The following RTTN variants were observed in gnomAD, a reference collection of about 807,000 sequenced individuals.
The protein encoded by RTTN is rotatin.
RTTN carries 182 observed loss-of-function variants against 269.2 expected under a neutral mutation model. The ratio of observed to expected loss-of-function variants is 0.68; its 90% CI spans 0.60 to 0.76. The LOEUF (loss-of-function observed/expected upper bound fraction) is 0.76, where lower values mean the gene tolerates loss of function less well. Ranked by LOEUF, RTTN falls within the 30% of genes least tolerant of loss-of-function variation. RTTN has a pLI of 0.00. For missense variants in RTTN, 2,545 were observed against 2,608.6 expected, an observed-to-expected ratio of 0.98 and a Z score of 0.53; for synonymous variants, 1,006 against 963.5, an observed-to-expected ratio of 1.04 and a Z score of -0.82.
chr18:70,045,362 A>G (rs2057463824), intron 40 of RTTN, among the ~76,000 whole-genome samples: 3 of 152,206 alleles, frequency 2.0e-5, no homozygotes, highest in Admixed American at 2.0e-4. Context: ...CTAAGGTCCC[A>G]TATCAAATGT....
intron 26 of RTTN, among the ~76,000 whole-genome samples, chr18:70,114,967 C>T (rs1599623119): frequency 6.6e-6 from 1 of 152,082 alleles, no homozygotes; most frequent in Non-Finnish European, 1.5e-5. Context: ...AAAAAAATCA[C>T]TACTGTAACC....
intron 28 of RTTN, among the ~76,000 whole-genome samples, chr18:70,102,429 T>C (rs1259306059): frequency 6.6e-6 from 1 of 152,208 alleles, no homozygotes; most frequent in Non-Finnish European, 1.5e-5. Context: ...GCTTGGTTGA[T>C]CTTCCTCCAT....
chr18:70,049,573 CA>C (rs2057596725), intron 39 of RTTN, among the ~76,000 whole-genome samples: 1 of 151,754 alleles, frequency 6.6e-6, no homozygotes, highest in Non-Finnish European at 1.5e-5. Context: ...ACTGAATGAT[CA>C]AATGATAAAA....
In RTTN at chr18:70,192,721, CATA is replaced by C. The variant is rs200096751; in HGVS notation, c.1007+564_1007+566del. On this transcript the variant is annotated intron_variant, in intron 8 of 48. Transcript: ENST00000640769. ...AATCTGTATTTACACAAACAAATAC[CATA>C]AATTGTTCACCTTGAAGGAGTCCTT... 5.0e-3 allele frequency among the ~76,000 whole-genome samples: 745 copies of C among 150,058 alleles called. 5 individuals are homozygous for C. Among genetic ancestry groups the C allele is most frequent in the African/African-American group, 0.017 (705 of 40,888 alleles).
chr18:70,129,285 A>C (rs549409375), intron 23 of RTTN: 1 of 152,188 alleles, frequency 6.6e-6, no homozygotes, highest in African/African-American at 2.4e-5. Context: ...TAAAACTCCT[A>C]AAATGTATAT....
At chr18:70,049,136 C>T (rs1444010874) in intron 39 of RTTN, among the ~76,000 whole-genome samples, 1 of 152,176 alleles carries the variant, frequency 6.6e-6, no homozygotes, top group South Asian at 2.1e-4. Flanking sequence ...GTATTTTATA[C>T]TCTGCAGGTA....
intron 26 of RTTN, among the ~76,000 whole-genome samples, chr18:70,116,167 C>A (rs1381109363): frequency 6.6e-6 from 1 of 151,932 alleles, no homozygotes; most frequent in African/African-American, 2.4e-5. Context: ...AAAGCTGACT[C>A]ACATTCACGT....
chr18:70,203,936 G>A (rs1238917336), intron 3 of RTTN, 150 bp downstream of exon 3: 2 of 646,384 alleles, frequency 3.1e-6, no homozygotes, highest in Non-Finnish European at 5.2e-6. Flanking sequence ...GTAGAGGAGG[G>A]GAAAAAGGTC....
intron 14 of RTTN, 109 bp from the exon 15 acceptor site, chr18:70,150,842 T>C: frequency 1.2e-6 from 1 of 804,526 alleles, no homozygotes; most frequent in Non-Finnish European, 1.9e-6. Flanking sequence ...TTTACTTCAT[T>C]GAAACTTTTT....
intron 22 of RTTN, 28 bp from the exon 23 acceptor site, chr18:70,134,569 AAG>A: frequency 6.5e-7 from 1 of 1,544,042 alleles, no homozygotes; most frequent in Non-Finnish European, 8.9e-7. Flanking sequence ...AACAAAAACA[AAG>A]AAACAACTGA....
intron 11 of RTTN, 51 bp downstream of exon 11, chr18:70,176,624 T>A (rs770406228): frequency 6.7e-7 from 1 of 1,487,376 alleles, no homozygotes; most frequent in East Asian, 2.4e-5. Flanking sequence ...CAACAGAGCA[T>A]TTATTTATAA....
rs888900270 is a variant in RTTN, at chr18:70,121,489, A to G, written c.3528+67T>C. 4.2e-5 allele frequency: 54 copies of G among 1,275,566 alleles called. No homozygotes were observed. The African/African-American group carries it at 8.2e-4, about 19-fold the overall frequency. The allele number at this position is 1,275,566 out of a possible 1,614,324, so 79.0% of individuals were successfully genotyped here. A position where few individuals can be genotyped will look rare whatever the true frequency, so the allele number is the denominator to read the frequency against. ...TAAAATTATCCTTTTCCATAATATA[A>G]TGTTAATGATTTCTACAAATAAGTT... On this transcript the variant is annotated intron_variant, in intron 26 of 48. Coordinates refer to ENST00000640769, the MANE Select transcript of RTTN (RefSeq NM_173630.4).
intron 18 of RTTN, among the ~76,000 whole-genome samples, chr18:70,144,778 GCAAA>G (rs916262596): frequency 7.2e-5 from 11 of 151,796 alleles, no homozygotes; most frequent in African/African-American, 2.7e-4. Context: ...CCATTAAAAA[GCAAA>G]CAAACAAACA....
intron 4 of RTTN, among the ~76,000 whole-genome samples, chr18:70,200,704 T>G (rs1478457455): frequency 6.6e-6 from 1 of 152,232 alleles, no homozygotes; most frequent in Admixed American, 6.5e-5. Flanking sequence ...GATATACTCT[T>G]GAACATATCC....
chr18:70,165,044 T>C (rs1456015284), intron 14 of RTTN, among the ~76,000 whole-genome samples: 1 of 152,168 alleles, frequency 6.6e-6, no homozygotes, highest in Non-Finnish European at 1.5e-5. Flanking sequence ...CTGTATTTTA[T>C]ATGCAGCCAA....
chr18:70,072,561 TA>T (rs1255466414), intron 34 of RTTN, among the ~76,000 whole-genome samples: 1 of 152,134 alleles, frequency 6.6e-6, no homozygotes, highest in Non-Finnish European at 1.5e-5. Flanking sequence ...TTTTTGTATT[TA>T]GGTTTTCTTG....
At chr18:70,182,914 T>A (rs756581448) in intron 10 of RTTN, among the ~76,000 whole-genome samples, 1 of 152,224 alleles carries the variant, frequency 6.6e-6, no homozygotes, top group Non-Finnish European at 1.5e-5. Context: ...CTCCACACTT[T>A]GAATGATTAT....
intron 40 of RTTN, among the ~76,000 whole-genome samples, chr18:70,041,547 C>A (rs1478436155): frequency 6.6e-6 from 1 of 152,100 alleles, no homozygotes; most frequent in Non-Finnish European, 1.5e-5. Context: ...TAGCACCAGG[C>A]ATCCCTGGAC....
chr18:70,107,429 T>C (rs1274319009), intron 28 of RTTN, among the ~76,000 whole-genome samples: 1 of 152,216 alleles, frequency 6.6e-6, no homozygotes, highest in Admixed American at 6.5e-5. Flanking sequence ...ATATGCAAAA[T>C]TGTCAGGCCA....
Sources: gnomAD v4.1 joint callset for allele counts (sites outside exome capture counted in the v4.1 genomes callset) on GRCh38, gnomAD v4.1.1 for gene constraint, MANE v1.5 for transcripts, NCBI Gene and HGNC (gene_info 2026-07-23, HGNC 2026-07-21) for gene names.